Variants in CD302 observed in about 807,000 individuals in gnomAD.
CD302 encodes CD302 antigen.
CD302 carries 23 observed loss-of-function variants against 26.5 expected under a neutral mutation model. That is an observed-to-expected ratio of 0.87 (90% CI 0.62 to 1.23). The LOEUF is 1.23. Among genes scored for constraint, CD302 ranks in the 50% most tolerant of loss-of-function variants. The pLI is 0.00. For synonymous variants in CD302, 90 were observed against 99.4 expected (o/e 0.91, Z 0.56); for missense variants, 290 against 275.5 (o/e 1.05, Z -0.37).
Position 159,771,876 on chromosome 2 carries a change from T to A in CD302, c.674A>T (p.Asn225Ile). 2 of 1,613,970 alleles carry A rather than the reference T, an allele frequency of 1.2e-6. No homozygotes were observed. The highest frequency in any genetic ancestry group is 1.7e-6 in the Non-Finnish European group (2 of 1,179,870). ...EDCVLVVGEE[N>I]EYPVQFD ...TTAGTCAAATTGAACAGGATATTCA[T>A]TTTCTTCTCCAACTACCAAAACACA... Residue 225 changes from asparagine (N) to isoleucine (I), a missense_variant, in exon 6 of 6, where the codon AAT (asparagine) becomes ATT (isoleucine). By Grantham distance (149) the Asn-to-Ile change is moderately radical. Transcript: ENST00000259053.
intron 1 of CD302, among the ~76,000 whole-genome samples, chr2:159,784,097 C>A (rs1708596802): frequency 6.6e-6 from 1 of 152,114 alleles, no homozygotes; most frequent in African/African-American, 2.4e-5. Flanking sequence ...CTATCTTAGT[C>A]TCTTTTTATT....
intron 5 of CD302, among the ~76,000 whole-genome samples, chr2:159,776,336 C>T (rs913529280): frequency 1.3e-5 from 2 of 152,108 alleles, no homozygotes; most frequent in African/African-American, 4.8e-5. Flanking sequence ...GCAAATGATG[C>T]TATGAACATA....
chr2:159,798,007 G>T, intron 1 of CD302, 125 bp downstream of exon 1: 1 of 884,186 alleles, frequency 1.1e-6, no homozygotes, highest in Non-Finnish European at 1.7e-6. Context: ...AGGGAAGGGC[G>T]GGATGGCCGG....
chr2:159,797,349 T>C (rs983919625), intron 1 of CD302, among the ~76,000 whole-genome samples: 13 of 152,222 alleles, frequency 8.5e-5, no homozygotes, highest in African/African-American at 3.1e-4. Context: ...GTGGTGTTTT[T>C]GGAAGTCTGT....
chr2:159,776,726 A>AT (rs1184591052), intron 5 of CD302, among the ~76,000 whole-genome samples: 10 of 71,782 alleles, frequency 1.4e-4, no homozygotes, highest in East Asian at 3.9e-4. Flanking sequence ...TTTTTTTGTG[A>AT]GATGGAGTCA....
At chr2:159,780,320 A>T (rs1417447999) in intron 3 of CD302, 142 bp from the exon 4 acceptor site, 3 of 965,022 alleles carry the variant, frequency 3.1e-6, no homozygotes, top group Non-Finnish European at 4.5e-6. Flanking sequence ...AGAAGGAGGA[A>T]TATATCCTGT....
chr2:159,788,414 A>G (rs1347432010), intron 1 of CD302, among the ~76,000 whole-genome samples: 1 of 152,242 alleles, frequency 6.6e-6, no homozygotes, highest in Non-Finnish European at 1.5e-5. Context: ...CTGCAGAGCA[A>G]TAGGCTCCAG....
At chr2:159,781,226 C>T (rs1708496135) in intron 2 of CD302, among the ~76,000 whole-genome samples, 1 of 152,028 alleles carries the variant, frequency 6.6e-6, no homozygotes, top group Non-Finnish European at 1.5e-5. Context: ...TCTCAGTATA[C>T]TTTACATAAT....
At chr2:159,779,958 T>C (rs779324325) in intron 4 of CD302, 47 bp downstream of exon 4, 9 of 1,572,002 alleles carry the variant, frequency 5.7e-6, no homozygotes, top group Non-Finnish European at 7.8e-6. Context: ...CCAGTCCTAC[T>C]TTCTCTGCCC....
At position 159,791,325 on chromosome 2, in the gene CD302, G is replaced by A. The variant is rs141578294; in HGVS notation, c.67+6807C>T. Among the ~76,000 whole-genome samples, 6 of 152,324 alleles carry A rather than the reference G, an allele frequency of 3.9e-5. No homozygotes were observed. The East Asian group carries it at 1.2e-3, about 29-fold the overall frequency. ...CATATACTAGGCCCCATATTGGGCT[G>A]ATGCCTAGCCTAGAGTAGCCAGCTT... On this transcript the variant is annotated intron_variant, in intron 1 of 5. Coordinates refer to ENST00000259053, the MANE Select transcript of CD302 (RefSeq NM_014880.5).
intron 5 of CD302, among the ~76,000 whole-genome samples, chr2:159,776,012 C>CTTTTTTT (rs71406197): frequency 1.5e-4 from 12 of 81,250 alleles, no homozygotes; most frequent in African/African-American, 2.2e-4. Context: ...CGGGTTTCAA[C>CTTTTTTT]TTTTTTTTTT....
intron 5 of CD302, among the ~76,000 whole-genome samples, chr2:159,774,446 A>G (rs577451032): frequency 1.3e-5 from 2 of 152,290 alleles, no homozygotes; most frequent in East Asian, 3.9e-4. Flanking sequence ...TGAGGCCCGA[A>G]CTATACATAA....
chr2:159,784,678 A>G (rs991226075), intron 1 of CD302, among the ~76,000 whole-genome samples: 2 of 152,072 alleles, frequency 1.3e-5, no homozygotes, highest in Non-Finnish European at 2.9e-5. Flanking sequence ...TACCTTTTTA[A>G]TATAAACAAG....
chr2:159,783,522 T>C, intron 1 of CD302, 53 bp from the exon 2 acceptor site: 1 of 1,408,182 alleles, frequency 7.1e-7, no homozygotes, highest in Non-Finnish European at 9.6e-7. Context: ...AAGAATTACA[T>C]GAATTCCCAA....
chr2:159,783,374 G>C lies in CD302; in HGVS notation c.163C>G (p.Gln55Glu). 1 of 1,606,926 alleles carries C rather than the reference G, an allele frequency of 6.2e-7. No individual in the cohort carries two copies. The highest frequency in any genetic ancestry group is 8.5e-7 in the Non-Finnish European group (1 of 1,178,246). ...AGCCTTTTACCATGGTCAGTACACT[G>C]ATTTCTGACATCCTCTATGCTTTCT... ...KVESIEDVRN[Q>E]CTDHGADMIS... Residue 55 changes from glutamine to glutamate, a missense_variant, in exon 2 of 6, where the codon CAG becomes GAG. Gln to Glu is a conservative substitution (Grantham distance 29). Coordinates refer to ENST00000259053, the MANE Select transcript of CD302 (RefSeq NM_014880.5).
At chr2:159,775,739 T>G (rs1708294987) in intron 5 of CD302, among the ~76,000 whole-genome samples, 1 of 152,198 alleles carries the variant, frequency 6.6e-6, no homozygotes, top group Admixed American at 6.5e-5. Context: ...AACAACTCAT[T>G]TTGTAAAATG....
chr2:159,798,193 G>C lies in CD302; in HGVS notation c.6C>G (p.Leu2=), dbSNP rs927995526. ...GCAGGAGCGCGGGCAGCGCGGCCCG[G>C]AGCATGACGGCGGGTGCGGGTGGGC... M[L]RAALPALLLP... is the part of the protein sequence containing the mutation. The change falls in exon 1 of 6, where the codon CTC becomes CTG. Residue 2 remains leucine, a synonymous_variant. Coordinates refer to ENST00000259053, the MANE Select transcript of CD302 (RefSeq NM_014880.5). The C allele has an allele frequency of 6.9e-7, 1 of 1,452,874 alleles. No individual in the cohort carries two copies. Among genetic ancestry groups the C allele is most frequent in the Non-Finnish European group, 9.0e-7 (1 of 1,106,196 alleles). The allele number at this position is 1,452,874 out of a possible 1,614,324, so 90.0% of individuals were successfully genotyped here.
In CD302 at chr2:159,798,145, A is replaced by G; in HGVS notation, c.54T>C (p.Ala18=). Residue 18 remains alanine, a synonymous_variant, in exon 1 of 6, where the codon GCT becomes GCC. Transcript: ENST00000259053. ...ALLLPLLGLA[A]AAVADCPSST... ...GTAAGGGCTTACCCGCGACGGCAGC[A>G]GCGGCGAGGCCCAGCAACGGCAGCA... The G allele has an allele frequency of 6.7e-7, 1 of 1,485,962 alleles. No homozygotes were observed. Among genetic ancestry groups the G allele is most frequent in the Non-Finnish European group, 8.9e-7 (1 of 1,123,820 alleles). 92.0% of individuals were successfully genotyped at this position (1,485,962 alleles called of 1,614,324 possible).
intron 1 of CD302, among the ~76,000 whole-genome samples, chr2:159,794,008 C>T (rs2125816243): frequency 6.6e-6 from 1 of 151,672 alleles, no homozygotes; most frequent in East Asian, 1.9e-4. Flanking sequence ...CACCTGTAAT[C>T]CCAGAGCTTT....
Sources: gnomAD v4.1 joint callset for allele counts (sites outside exome capture counted in the v4.1 genomes callset) on GRCh38, gnomAD v4.1.1 for gene constraint, MANE v1.5 for transcripts, NCBI Gene and HGNC (gene_info 2026-07-23, HGNC 2026-07-21) for gene names.